The following OR1B1 variants were observed in gnomAD, a reference collection of about 807,000 sequenced individuals.
OR1B1 encodes olfactory receptor family 1 subfamily B member 1.
For synonymous variants in OR1B1, 168 were observed against 156.2 expected, an observed-to-expected ratio of 1.08 and a Z score of -0.57; for missense variants, 414 against 402.1, an observed-to-expected ratio of 1.03 and a Z score of -0.25.
At chr9:122,646,918 C>T in the OR1B1 span, among the ~76,000 whole-genome samples, 2 of 152,020 alleles carry the variant, frequency 1.3e-5, no homozygotes, top group African/African-American at 2.4e-5. Flanking sequence ...AGTTAAAAAG[C>T]GAGAGGACAA....
At chr9:122,653,371 C>T in the OR1B1 span, among the ~76,000 whole-genome samples, 4 of 152,160 alleles carry the variant, frequency 2.6e-5, no homozygotes, top group Non-Finnish European at 4.4e-5. Context: ...ACTGTGTGAT[C>T]TTTGGAAAAT....
chr9:122,642,722 C>G, the OR1B1 span, among the ~76,000 whole-genome samples: 1 of 152,174 alleles, frequency 6.6e-6, no homozygotes, highest in African/African-American at 2.4e-5. Flanking sequence ...TTACCCTAAT[C>G]ACTCACACAG....
chr9:122,641,116 C>T, the OR1B1 span, among the ~76,000 whole-genome samples: 34 of 152,116 alleles, frequency 2.2e-4, no homozygotes, highest in Non-Finnish European at 4.6e-4. Flanking sequence ...CAGTAGGTAA[C>T]AAAATCATAA....
chr9:122,632,593 C>T (rs1293757260), upstream of OR1B1, among the ~76,000 whole-genome samples: 3 of 152,060 alleles, frequency 2.0e-5, no homozygotes, highest in South Asian at 4.2e-4. Flanking sequence ...TCCCCCAAGT[C>T]CCCAAAGTCC....
chr9:122,647,976 T>G, the OR1B1 span, among the ~76,000 whole-genome samples: 11 of 152,204 alleles, frequency 7.2e-5, no homozygotes, highest in African/African-American at 2.7e-4. Context: ...TTTTTTCTCC[T>G]TATATGCTTT....
the OR1B1 span, among the ~76,000 whole-genome samples, chr9:122,653,794 C>G: frequency 6.6e-6 from 1 of 152,172 alleles, no homozygotes; most frequent in African/African-American, 2.4e-5. Context: ...CCTGCTTACA[C>G]TCAAGATCCC....
chr9:122,641,998 GA>G, the OR1B1 span, among the ~76,000 whole-genome samples: 1 of 152,078 alleles, frequency 6.6e-6, no homozygotes, highest in Admixed American at 6.6e-5. Flanking sequence ...AGATTTTCAG[GA>G]AAAGAAGAAG....
At chr9:122,650,708 A>C in the OR1B1 span, among the ~76,000 whole-genome samples, 1 of 152,176 alleles carries the variant, frequency 6.6e-6, no homozygotes, top group Admixed American at 6.5e-5. Flanking sequence ...AAGGTTATTA[A>C]GGAACTCTAG....
At chr9:122,629,221 G>T (rs766544196) in exon 1 of OR1B1, 1 of 1,614,076 alleles carries the variant, frequency 6.2e-7, no homozygotes. Flanking sequence ...ATGCATAGAA[G>T]AAAAAGAACT....
chr9:122,651,711 T>C, the OR1B1 span, among the ~76,000 whole-genome samples: 2 of 152,214 alleles, frequency 1.3e-5, no homozygotes, highest in Non-Finnish European at 2.9e-5. Context: ...TGTTTCCTAG[T>C]TTGTACATTC....
chr9:122,647,856 C>T, the OR1B1 span, among the ~76,000 whole-genome samples: 2 of 152,178 alleles, frequency 1.3e-5, no homozygotes, highest in East Asian at 1.9e-4. Context: ...TGGGTGACAA[C>T]CTTTATTTCA....
At chr9:122,632,310 AT>A (rs944507202), upstream of OR1B1, among the ~76,000 whole-genome samples, 10 of 152,308 alleles carry the variant, frequency 6.6e-5, no homozygotes, top group African/African-American at 2.2e-4. Context: ...AAAAAAACAT[AT>A]TTTTAAAGGC....
upstream of OR1B1, among the ~76,000 whole-genome samples, chr9:122,630,696 T>TTTTTTG (rs141279586): frequency 4.0e-5 from 6 of 151,392 alleles, no homozygotes; most frequent in Middle Eastern, 3.4e-3. Context: ...TATCCAGGGT[T>TTTTTTG]TTTTTGTTTT....
chr9:122,633,139 A>G (rs568471665), upstream of OR1B1, among the ~76,000 whole-genome samples: 14 of 152,310 alleles, frequency 9.2e-5, no homozygotes, highest in South Asian at 1.2e-3. Flanking sequence ...TCAAGATGAG[A>G]TTTGGGTGGG....
At chr9:122,644,840 G>A in the OR1B1 span, among the ~76,000 whole-genome samples, 1 of 151,892 alleles carries the variant, frequency 6.6e-6, no homozygotes, top group Admixed American at 6.5e-5. Flanking sequence ...AGCCCAGACT[G>A]TGAAAACTAC....
the OR1B1 span, among the ~76,000 whole-genome samples, chr9:122,635,464 T>G: frequency 6.6e-6 from 1 of 152,168 alleles, no homozygotes; most frequent in African/African-American, 2.4e-5. Context: ...GAAGACATAT[T>G]AATAATATTG....
the OR1B1 span, among the ~76,000 whole-genome samples, chr9:122,635,445 G>A: frequency 6.6e-6 from 1 of 152,150 alleles, no homozygotes; most frequent in African/African-American, 2.4e-5. Context: ...GAGGTATACT[G>A]TACAGCAAGA....
chr9:122,628,980 C>T, exon 1 of OR1B1: 1 of 1,613,900 alleles, frequency 6.2e-7, no homozygotes, highest in Non-Finnish European at 8.5e-7. Context: ...GGCCGGTGGT[C>T]ACAAAAGAAG....
At chr9:122,650,278 T>G in the OR1B1 span, among the ~76,000 whole-genome samples, 1 of 152,070 alleles carries the variant, frequency 6.6e-6, no homozygotes, top group Admixed American at 6.5e-5. Context: ...AGGGCTCGCA[T>G]TAGGAGAAAT....
Sources: allele counts gnomAD v4.1 joint callset (sites outside exome capture counted in the v4.1 genomes callset), GRCh38; gene constraint gnomAD v4.1.1; transcripts MANE v1.5; gene names NCBI Gene and HGNC (gene_info 2026-07-23, HGNC 2026-07-21).